Variants in MACROD2 observed in about 807,000 individuals in gnomAD.
MACROD2 encodes ADP-ribose glycohydrolase MACROD2.
Under a neutral mutation model 70.4 loss-of-function variants are expected in MACROD2, and 36 were observed. The observed-to-expected ratio is 0.51, with a 90% CI of 0.39 to 0.68. The LOEUF (loss-of-function observed/expected upper bound fraction) is 0.68, where lower values mean the gene tolerates loss of function less well. MACROD2 is among the 30% of genes least tolerant of loss of function. The pLI, the probability that MACROD2 is intolerant of heterozygous loss-of-function variation, is 0.00. For missense variants in MACROD2, 496 were observed against 538.4 expected, an observed-to-expected ratio of 0.92 and a Z score of 0.78; for synonymous variants, 172 against 178.8, an observed-to-expected ratio of 0.96 and a Z score of 0.30.
At chr20:14,361,186 A>T (rs6135127) in intron 3 of MACROD2, among the ~76,000 whole-genome samples, 28,652 of 152,068 alleles carry the variant, frequency 0.19, 3,061 homozygotes, top group East Asian at 0.31. Context: ...TCTAGGTTTG[A>T]TGAGAAGGAA....
intron 7 of MACROD2, among the ~76,000 whole-genome samples, chr20:15,479,013 G>A (rs937364904): frequency 1.3e-5 from 2 of 152,210 alleles, no homozygotes; most frequent in Admixed American, 1.3e-4. Context: ...GAGATTTCAT[G>A]CATCTGGCAG....
At chr20:15,564,225 T>G (rs750709335) in intron 8 of MACROD2, among the ~76,000 whole-genome samples, 1 of 152,210 alleles carries the variant, frequency 6.6e-6, no homozygotes, top group African/African-American at 2.4e-5. Flanking sequence ...AGCCTGACTT[T>G]CAGACAGTGC....
chr20:15,780,150 A>G (rs2051805847), intron 8 of MACROD2, among the ~76,000 whole-genome samples: 1 of 152,112 alleles, frequency 6.6e-6, no homozygotes, highest in Admixed American at 6.5e-5. Context: ...TAATTAACCA[A>G]CATTTTATGG....
intron 8 of MACROD2, among the ~76,000 whole-genome samples, chr20:15,534,840 A>G (rs1456269353): frequency 2.6e-5 from 4 of 152,090 alleles, no homozygotes; most frequent in East Asian, 1.9e-4. Flanking sequence ...CATCTTGCCA[A>G]CTCTAAATTC....
At chr20:15,658,039 A>G (rs964495323) in intron 8 of MACROD2, among the ~76,000 whole-genome samples, 12 of 152,172 alleles carry the variant, frequency 7.9e-5, no homozygotes, top group Non-Finnish European at 1.8e-4. Flanking sequence ...GATAGTCAAG[A>G]GCAATCAGAT....
At chr20:15,476,896 TG>T (rs946055440) in intron 7 of MACROD2, among the ~76,000 whole-genome samples, 8 of 152,314 alleles carry the variant, frequency 5.3e-5, no homozygotes, top group Non-Finnish European at 8.8e-5. Flanking sequence ...TGTCAGAAAC[TG>T]GCTCTGATAC....
rs747535132 is a variant in MACROD2, at chr20:14,292,479, A to T, written c.272-201000A>T. Among the ~76,000 whole-genome samples, 3 of 151,860 alleles carry T rather than the reference A, an allele frequency of 2.0e-5. No homozygotes were observed. The East Asian group carries it at 5.8e-4, about 29-fold the overall frequency. On this transcript the variant is annotated intron_variant, in intron 3 of 17. Transcript: ENST00000684519. ...TGCTAAGGTTGAGAAACCCTGGGTA[A>T]AGGGAGTCTGAGTAGGACATCAACA...
At chr20:15,243,498 T>C (rs2077078025) in intron 6 of MACROD2, among the ~76,000 whole-genome samples, 1 of 152,152 alleles carries the variant, frequency 6.6e-6, no homozygotes, top group South Asian at 2.1e-4. Context: ...GTTATCTGGC[T>C]CATTTGCAGG....
intron 6 of MACROD2, among the ~76,000 whole-genome samples, chr20:15,354,983 C>A (rs950894557): frequency 6.6e-6 from 1 of 152,174 alleles, no homozygotes; most frequent in Non-Finnish European, 1.5e-5. Flanking sequence ...TAACAGGTGA[C>A]ACTAATATTA....
At chr20:14,217,571 T>G (rs758887201) in intron 3 of MACROD2, among the ~76,000 whole-genome samples, 7 of 152,172 alleles carry the variant, frequency 4.6e-5, no homozygotes, top group Non-Finnish European at 7.4e-5. Context: ...TGGAATAGTT[T>G]CAAAAGGATT....
chr20:15,311,212 G>GA (rs879807247), intron 6 of MACROD2, among the ~76,000 whole-genome samples: 1 of 151,332 alleles, frequency 6.6e-6, no homozygotes, highest in African/African-American at 2.4e-5. Context: ...TATTAATGAT[G>GA]AAAAAAAAGG....
At chr20:15,801,814 GTTC>G (rs2063728995) in intron 8 of MACROD2, among the ~76,000 whole-genome samples, 1 of 152,014 alleles carries the variant, frequency 6.6e-6, no homozygotes, top group Non-Finnish European at 1.5e-5. Context: ...TATTATATCA[GTTC>G]TTCTGATTCA....
At chr20:14,647,457 A>G (rs1985455352) in intron 4 of MACROD2, among the ~76,000 whole-genome samples, 1 of 152,196 alleles carries the variant, frequency 6.6e-6, no homozygotes, top group Admixed American at 6.5e-5. Context: ...TTTCAAAAAA[A>G]TAATACTAAC....
chr20:15,644,471 T>C (rs1334964516), intron 8 of MACROD2, among the ~76,000 whole-genome samples: 1 of 152,178 alleles, frequency 6.6e-6, no homozygotes, highest in East Asian at 1.9e-4. Flanking sequence ...CAGCAACCTC[T>C]TTCCTTCTGT....
At chr20:14,879,101 C>T (rs886342839) in intron 5 of MACROD2, among the ~76,000 whole-genome samples, 18 of 152,184 alleles carry the variant, frequency 1.2e-4, no homozygotes, top group Non-Finnish European at 2.1e-4. Flanking sequence ...CTGTGAGCTC[C>T]GTATTTTTTA....
At chr20:14,121,618 C>T (rs2054590099) in intron 3 of MACROD2, among the ~76,000 whole-genome samples, 1 of 152,112 alleles carries the variant, frequency 6.6e-6, no homozygotes, top group African/African-American at 2.4e-5. Context: ...TAACCAAAAC[C>T]TCTATAAGTA....
At chr20:15,593,919 C>T (rs867006934) in intron 8 of MACROD2, among the ~76,000 whole-genome samples, 11 of 152,184 alleles carry the variant, frequency 7.2e-5, no homozygotes, top group African/African-American at 2.7e-4. Context: ...GGCCCTCCCT[C>T]GCCCCATGTA....
intron 5 of MACROD2, among the ~76,000 whole-genome samples, chr20:15,144,004 A>G (rs1009370060): frequency 3.6e-4 from 54 of 152,052 alleles, no homozygotes; most frequent in Non-Finnish European, 6.0e-4. Flanking sequence ...AAGTTTACAA[A>G]TTTGTGTTGT....
chr20:15,283,747 A>T (rs2077467436), intron 6 of MACROD2, among the ~76,000 whole-genome samples: 2 of 152,176 alleles, frequency 1.3e-5, no homozygotes, highest in South Asian at 4.1e-4. Context: ...AAATAATTAT[A>T]AAAATTACTT....
Sources: allele counts gnomAD v4.1 joint callset (sites outside exome capture counted in the v4.1 genomes callset), GRCh38; gene constraint gnomAD v4.1.1; transcripts MANE v1.5; gene names NCBI Gene and HGNC (gene_info 2026-07-23, HGNC 2026-07-21).